RNF125: variants seen among roughly 807,000 people sequenced by gnomAD.
The protein encoded by RNF125 is E3 ubiquitin-protein ligase RNF125.
In RNF125, 21 loss-of-function variants were observed where a neutral mutation model predicts 26.0. The ratio of observed to expected loss-of-function variants is 0.81; its 90% CI spans 0.57 to 1.16. The LOEUF (loss-of-function observed/expected upper bound fraction) is 1.16. RNF125 is among the 50% of genes most tolerant of loss of function. RNF125 has a pLI of 0.00. For synonymous variants in RNF125, 95 were observed against 109.2 expected, an observed-to-expected ratio of 0.87 and a Z score of 0.81; for missense variants, 270 against 299.4, an observed-to-expected ratio of 0.90 and a Z score of 0.72.
At chr18:32,049,662 T>G (rs532768302) in intron 4 of RNF125, among the ~76,000 whole-genome samples, 11 of 152,242 alleles carry the variant, frequency 7.2e-5, no homozygotes, top group Middle Eastern at 3.4e-3. Context: ...ACCAGGATGC[T>G]ATCATGGCCT....
chr18:32,021,555 T>A (rs906424724), intron 1 of RNF125, among the ~76,000 whole-genome samples: 18 of 152,240 alleles, frequency 1.2e-4, no homozygotes, highest in Non-Finnish European at 2.4e-4. Flanking sequence ...TAAAATATAT[T>A]GATTATTTTA....
At position 32,071,320 on chromosome 18, in the gene RNF125, A is replaced by C. The variant is rs2039532093; in HGVS notation, c.*2936A>C. 6.6e-6 allele frequency: 1 copy of C among 152,046 alleles called. No individual in the cohort carries two copies. The highest frequency in any genetic ancestry group is 2.4e-5 in the African/African-American group (1 of 41,354). The allele number at this position is 152,046 out of a possible 1,614,324, so 9.4% of individuals were successfully genotyped here. On this transcript the variant is annotated 3_prime_UTR_variant, in exon 6 of 6. Coordinates refer to ENST00000217740, the MANE Select transcript of RNF125 (RefSeq NM_017831.4). Reference sequence around the variant, plus strand: ...CGGCTAATTGTTGTATTTTTAGTAGAGATGGGTTTTGCCATGTTGGCCAGG... The same window carrying C: ...CGGCTAATTGTTGTATTTTTAGTAGCGATGGGTTTTGCCATGTTGGCCAGG...
chr18:32,054,857 C>A (rs947276937), intron 4 of RNF125, among the ~76,000 whole-genome samples: 5 of 151,794 alleles, frequency 3.3e-5, no homozygotes, highest in Non-Finnish European at 5.9e-5. Context: ...TTGTTCTTGC[C>A]CTAGGATCCT....
chr18:32,043,590 TAG>T (rs2039240199), intron 3 of RNF125, among the ~76,000 whole-genome samples: 1 of 152,112 alleles, frequency 6.6e-6, no homozygotes, highest in South Asian at 2.1e-4. Context: ...CAATGACCAA[TAG>T]GAAGGAAGGA....
In RNF125 at chr18:32,064,652, G is replaced by A. The variant is rs182499700; in HGVS notation, c.505-1250G>A. Among the ~76,000 whole-genome samples, 377 of 151,812 alleles carry A rather than the reference G, an allele frequency of 2.5e-3. 2 individuals are homozygous for A. The highest frequency in any genetic ancestry group is 0.011 in the South Asian group (54 of 4,800). On this transcript the variant is annotated intron_variant, in intron 4 of 5. Transcript: ENST00000217740. ...TCCTGCCTCAGCCTGCCAAGTAGGT[G>A]GGATAGCAGGCAGGTGTGCACCACC...
chr18:32,082,496 T>C, the RNF125 span, among the ~76,000 whole-genome samples: 2 of 152,164 alleles, frequency 1.3e-5, no homozygotes, highest in African/African-American at 4.8e-5. Context: ...CAGGCAATAT[T>C]TTAGGGAATA....
At chr18:32,064,868 T>C (rs1312594977) in intron 4 of RNF125, among the ~76,000 whole-genome samples, 3 of 152,144 alleles carry the variant, frequency 2.0e-5, no homozygotes, top group African/African-American at 7.2e-5. Context: ...TTTCTGGTCA[T>C]TTCTCCTAAG....
At chr18:32,024,202 TTTTTTTC>T (rs1363332776) in intron 1 of RNF125, among the ~76,000 whole-genome samples, 1 of 94,474 alleles carries the variant, frequency 1.1e-5, no homozygotes, top group Non-Finnish European at 2.1e-5. Context: ...CTTTTTTTTT[TTTTTTTC>T]TTTTTTTTTT....
At chr18:32,052,422 G>A (rs1364543314) in intron 4 of RNF125, among the ~76,000 whole-genome samples, 2 of 151,142 alleles carry the variant, frequency 1.3e-5, no homozygotes, top group Non-Finnish European at 2.9e-5. Flanking sequence ...GAACCTGGGA[G>A]GTGGAGGTTG....
intron 1 of RNF125, among the ~76,000 whole-genome samples, chr18:32,021,883 A>G (rs2038990018): frequency 6.6e-6 from 1 of 152,228 alleles, no homozygotes; most frequent in African/African-American, 2.4e-5. Flanking sequence ...ATAGCATTAC[A>G]AGGGCTGAAC....
At chr18:32,037,055 A>G (rs780739737) in intron 1 of RNF125, 61 bp from the exon 2 acceptor site, 2 of 1,440,030 alleles carry the variant, frequency 1.4e-6, no homozygotes, top group South Asian at 1.3e-5. Flanking sequence ...AAATGAATAC[A>G]TGGTGGTGGC....
chr18:32,026,396 G>A (rs143898623), intron 1 of RNF125, among the ~76,000 whole-genome samples: 3 of 151,902 alleles, frequency 2.0e-5, no homozygotes, highest in African/African-American at 4.8e-5. Context: ...CTACGAGGGT[G>A]TGCCACCACA....
intron 4 of RNF125, among the ~76,000 whole-genome samples, chr18:32,056,955 G>T (rs1275214317): frequency 6.6e-6 from 1 of 152,126 alleles, no homozygotes; most frequent in Admixed American, 6.5e-5. Flanking sequence ...AGCTAATAAA[G>T]ATTTTTACAC....
At chr18:32,030,490 G>A (rs992227144) in intron 1 of RNF125, among the ~76,000 whole-genome samples, 2 of 152,214 alleles carry the variant, frequency 1.3e-5, no homozygotes, top group Admixed American at 1.3e-4. Context: ...TAGAGTCTGA[G>A]AGTCTTCCTG....
At chr18:32,025,210 A>T (rs1038238357) in intron 1 of RNF125, among the ~76,000 whole-genome samples, 1 of 149,078 alleles carries the variant, frequency 6.7e-6, no homozygotes, top group Non-Finnish European at 1.5e-5. Flanking sequence ...ATACAAACTC[A>T]TGTGTAAACA....
Position 32,018,988 on chromosome 18 carries a change from A to T in RNF125, c.125A>T (p.Glu42Val). The T allele has an allele frequency of 6.2e-7, 1 of 1,613,470 alleles. No homozygotes were observed. The highest frequency in any genetic ancestry group is 1.3e-5 in the African/African-American group (1 of 74,924). ...VTSFDCAVCL[E>V]VLHQPVRTRC... ...TCCTTCGACTGCGCCGTGTGCCTTG[A>T]GGTGTTACACCAGCCTGTCCGGACC... Residue 42 changes from glutamate (E) to valine (V), a missense_variant, in exon 1 of 6, where the codon GAG becomes GTG. Physicochemically the swap from Glu to Val is moderately radical, Grantham distance 121 (BLOSUM62 -2). Transcript: ENST00000217740.
intron 4 of RNF125, among the ~76,000 whole-genome samples, chr18:32,054,507 G>C (rs1344256486): frequency 6.6e-6 from 1 of 152,140 alleles, no homozygotes; most frequent in Non-Finnish European, 1.5e-5. Flanking sequence ...TTTTCCATAA[G>C]TAATAGTGAT....
chr18:32,069,696 A>G lies in RNF125; in HGVS notation c.*1312A>G, dbSNP rs1263340305. The G allele has an allele frequency of 1.3e-5, 2 of 152,194 alleles. No homozygotes were observed. Among genetic ancestry groups the G allele is most frequent in the African/African-American group, 4.8e-5 (2 of 41,452 alleles). The allele number at this position is 152,194 out of a possible 1,614,324, so 9.4% of individuals were successfully genotyped here. A position where few individuals can be genotyped will look rare whatever the true frequency, so the allele number is the denominator to read the frequency against. ...GATTACTGCTGCCACACCTAAATGC[A>G]TATATCTATATTTTAATATTATCAA... is the stretch of plus-strand genomic sequence containing the variant. On this transcript the variant is annotated 3_prime_UTR_variant, in exon 6 of 6. Transcript: ENST00000217740.
At chr18:32,042,698 G>T (rs967303831) in intron 3 of RNF125, among the ~76,000 whole-genome samples, 4 of 151,168 alleles carry the variant, frequency 2.6e-5, no homozygotes, top group African/African-American at 9.8e-5. Context: ...TTAGAATATA[G>T]ACAGCAGCAT....
Sources: allele counts gnomAD v4.1 joint callset (sites outside exome capture counted in the v4.1 genomes callset), GRCh38; gene constraint gnomAD v4.1.1; transcripts MANE v1.5; gene names NCBI Gene and HGNC (gene_info 2026-07-23, HGNC 2026-07-21).